Variants in SLAIN2 observed in about 807,000 individuals in gnomAD.
The protein encoded by SLAIN2 is SLAIN motif-containing protein 2.
SLAIN2 carries 31 observed loss-of-function variants against 56.6 expected under a neutral mutation model. The ratio of observed to expected loss-of-function variants is 0.55; its 90% CI spans 0.41 to 0.74. The LOEUF (loss-of-function observed/expected upper bound fraction) is 0.74. Among genes scored for constraint, SLAIN2 ranks in the 30% least tolerant of loss-of-function variants. SLAIN2 has a pLI of 0.00. For synonymous variants in SLAIN2, 317 were observed against 284.9 expected (o/e 1.11, Z -1.13); for missense variants, 777 against 754.2 (o/e 1.03, Z -0.35).
chr4:48,361,748 T>C (rs1409201825), intron 1 of SLAIN2, among the ~76,000 whole-genome samples: 1 of 152,230 alleles, frequency 6.6e-6, no homozygotes. Context: ...ATGTTGATTC[T>C]AAAGGTCAGT....
At chr4:48,378,147 GTT>G in intron 3 of SLAIN2, 87 bp downstream of exon 3, 2 of 1,416,486 alleles carry the variant, frequency 1.4e-6, no homozygotes, top group Admixed American at 4.5e-5. Flanking sequence ...TGCAGTTCGA[GTT>G]CATTTTATTT....
At chr4:48,368,178 A>C (rs766867308) in intron 1 of SLAIN2, among the ~76,000 whole-genome samples, 6 of 150,754 alleles carry the variant, frequency 4.0e-5, no homozygotes, top group Non-Finnish European at 7.4e-5. Flanking sequence ...CCTCCCGAGT[A>C]GCTGGAATTA....
Position 48,359,426 on chromosome 4 carries a change from G to T in SLAIN2, c.390-10423G>T, listed in dbSNP as rs1319061134. On this transcript the variant is annotated intron_variant, in intron 1 of 7. Transcript: ENST00000264313. ...TAAATTTAAATCATTTTTGTCCTTG[G>T]CTTCAGTAGCCTACTTTCAGCTGGC... 3.9e-5 allele frequency among the ~76,000 whole-genome samples: 6 copies of T among 151,902 alleles called. No individual in the cohort carries two copies. The East Asian group carries it at 1.2e-3, about 29-fold the overall frequency.
chr4:48,391,009 C>T (rs1215511119), intron 6 of SLAIN2, among the ~76,000 whole-genome samples: 1 of 152,110 alleles, frequency 6.6e-6, no homozygotes, highest in African/African-American at 2.4e-5. Flanking sequence ...ACTTTCCTTG[C>T]CTTTGTTTTT....
chr4:48,390,690 CA>C (rs1383961577), intron 6 of SLAIN2, among the ~76,000 whole-genome samples: 1 of 152,060 alleles, frequency 6.6e-6, no homozygotes, highest in Non-Finnish European at 1.5e-5. Flanking sequence ...TTACATTGAT[CA>C]TTTTTTTAAA....
chr4:48,349,300 T>C (rs1475772121), intron 1 of SLAIN2, among the ~76,000 whole-genome samples: 3 of 152,182 alleles, frequency 2.0e-5, no homozygotes, highest in Non-Finnish European at 4.4e-5. Flanking sequence ...GTAGTAAGAG[T>C]TCAGTGACAT....
intron 1 of SLAIN2, among the ~76,000 whole-genome samples, chr4:48,351,570 G>C (rs1363499160): frequency 1.3e-5 from 2 of 152,196 alleles, no homozygotes; most frequent in African/African-American, 4.8e-5. Flanking sequence ...GAATCTAGAG[G>C]TTTGGAACTT....
At chr4:48,363,355 TCACCTCCCGGA>T (rs1267309566) in intron 1 of SLAIN2, among the ~76,000 whole-genome samples, 5 of 70,728 alleles carry the variant, frequency 7.1e-5, no homozygotes, top group Admixed American at 2.3e-4. Context: ...GAGGCGCCCC[TCACCTCCCGGA>T]CGGGGCGGCT....
At chr4:48,414,540 TTGG>T (rs1395123500) in intron 6 of SLAIN2, among the ~76,000 whole-genome samples, 1 of 140,314 alleles carries the variant, frequency 7.1e-6, no homozygotes, top group Non-Finnish European at 1.6e-5. Flanking sequence ...AGCAATGCAA[TTGG>T]TGTGGTATTT....
rs535716054 is a variant in SLAIN2 at position 48,408,936 on chromosome 4, A to G, written c.1361-11189A>G. Reference sequence around the variant, plus strand: ...ATAACATTTTTACTGTACTTTCTCTATGTTTAGATATGTTTGGATATGCAA... The same window carrying G: ...ATAACATTTTTACTGTACTTTCTCTGTGTTTAGATATGTTTGGATATGCAA... On this transcript the variant is annotated intron_variant, in intron 6 of 7. Transcript: ENST00000264313. Among the ~76,000 whole-genome samples, 8 of 152,208 alleles carry G rather than the reference A, an allele frequency of 5.3e-5. No homozygotes were observed. The South Asian group carries it at 6.2e-4, about 12-fold the overall frequency.
At chr4:48,354,476 T>C (rs567312557) in intron 1 of SLAIN2, among the ~76,000 whole-genome samples, 2,333 of 152,018 alleles carry the variant, frequency 0.015, 43 homozygotes, top group African/African-American at 0.052. Flanking sequence ...ATTTTTTTTT[T>C]TCCCCCCTCA....
intron 1 of SLAIN2, among the ~76,000 whole-genome samples, chr4:48,367,262 G>T (rs1159579596): frequency 6.6e-6 from 1 of 152,162 alleles, no homozygotes; most frequent in Non-Finnish European, 1.5e-5. Flanking sequence ...ACGGGCCAAC[G>T]CCCTTTGTTT....
At chr4:48,413,685 C>G (rs1716924505) in intron 6 of SLAIN2, among the ~76,000 whole-genome samples, 1 of 151,968 alleles carries the variant, frequency 6.6e-6, no homozygotes, top group Non-Finnish European at 1.5e-5. Flanking sequence ...ATGATGTTTC[C>G]TGTTGGTCAT....
intron 6 of SLAIN2, among the ~76,000 whole-genome samples, chr4:48,418,086 C>G (rs1427822914): frequency 1.3e-5 from 2 of 151,430 alleles, no homozygotes; most frequent in Non-Finnish European, 2.9e-5. Flanking sequence ...TCTTCTTCTT[C>G]TTCTTCCTCT....
Position 48,341,986 on chromosome 4 carries a change from C to A in SLAIN2, c.247C>A (p.Pro83Thr). The change falls in exon 1 of 8, where the codon CCG becomes ACG. Residue 83 changes from proline to threonine, a missense_variant. Pro to Thr is a conservative substitution (Grantham distance 38). Transcript: ENST00000264313. ...GTCGGGCGGCGGGCCCGGGTCGGGC[C>A]CGAGGCGGACGAGTAGCGAAGAGCT... Reference protein sequence around the residue: ...AKSGGGPGSGPRRTSSEELRD... With the variant: ...AKSGGGPGSGTRRTSSEELRD... 7.0e-7 allele frequency: 1 copy of A among 1,429,830 alleles called. No homozygotes were observed. The highest frequency in any genetic ancestry group is 1.5e-5 in the South Asian group (1 of 66,424). 88.6% of individuals were successfully genotyped at this position (1,429,830 alleles called of 1,614,324 possible). A position where few individuals can be genotyped will look rare whatever the true frequency, so the allele number is the denominator to read the frequency against.
At chr4:48,370,764 T>C (rs1715642579) in intron 2 of SLAIN2, among the ~76,000 whole-genome samples, 1 of 152,238 alleles carries the variant, frequency 6.6e-6, no homozygotes, top group Non-Finnish European at 1.5e-5. Flanking sequence ...AATATTCAGA[T>C]AGTAAAAGAT....
intron 6 of SLAIN2, among the ~76,000 whole-genome samples, chr4:48,385,585 C>T (rs903399800): frequency 1.3e-5 from 2 of 152,048 alleles, no homozygotes; most frequent in African/African-American, 4.8e-5. Flanking sequence ...GTTTATTAAG[C>T]AGTTAAAAAT....
intron 6 of SLAIN2, among the ~76,000 whole-genome samples, chr4:48,400,023 A>T (rs1241193721): frequency 1.3e-5 from 2 of 152,170 alleles, no homozygotes; most frequent in Non-Finnish European, 2.9e-5. Context: ...TCATAAAATG[A>T]GTTAGAGAGG....
chr4:48,377,336 ATT>A (rs34493417), intron 2 of SLAIN2, among the ~76,000 whole-genome samples: 6 of 117,472 alleles, frequency 5.1e-5, no homozygotes, highest in African/African-American at 3.3e-5. Context: ...TGCCTGGCTA[ATT>A]TTTTTTTTTT....
Sources: gnomAD v4.1 joint callset for allele counts (sites outside exome capture counted in the v4.1 genomes callset) on GRCh38, gnomAD v4.1.1 for gene constraint, MANE v1.5 for transcripts, NCBI Gene and HGNC (gene_info 2026-07-23, HGNC 2026-07-21) for gene names.